The following DLG1 variants were observed in gnomAD, a reference collection of about 807,000 sequenced individuals.
The protein encoded by DLG1 is discs large MAGUK scaffold protein 1, also known as disks large homolog 1.
Under a neutral mutation model 123.4 loss-of-function variants are expected in DLG1, and 42 were observed. The observed-to-expected ratio is 0.34, with a 90% CI of 0.27 to 0.44. The LOEUF (loss-of-function observed/expected upper bound fraction) is 0.44. Among genes scored for constraint, DLG1 ranks in the 20% least tolerant of loss-of-function variants. The probability of loss-of-function intolerance (pLI) is 1.00; values close to 1 mark genes in which losing one functional copy is unlikely to be tolerated. For synonymous variants in DLG1, 317 were observed against 356.2 expected, an observed-to-expected ratio of 0.89 and a Z score of 1.24; for missense variants, 942 against 1,082.6, an observed-to-expected ratio of 0.87 and a Z score of 1.82.
intron 5 of DLG1, among the ~76,000 whole-genome samples, chr3:197,185,793 A>G (rs1715581808): frequency 6.6e-6 from 1 of 152,208 alleles, no homozygotes; most frequent in Non-Finnish European, 1.5e-5. Flanking sequence ...GATACTGAAT[A>G]CAACTGTTGA....
intron 10 of DLG1, among the ~76,000 whole-genome samples, chr3:197,131,362 CA>C (rs1255962447): frequency 6.6e-6 from 1 of 152,010 alleles, no homozygotes; most frequent in African/African-American, 2.4e-5. Flanking sequence ...ATTTATACAT[CA>C]ATTAGTTTTA....
At chr3:197,297,384 G>C in intron 1 of DLG1, 149 bp from the exon 2 acceptor site, 2 of 1,443,420 alleles carry the variant, frequency 1.4e-6, no homozygotes, top group East Asian at 2.5e-5. Flanking sequence ...AAACGCAGCA[G>C]TTGTCTGTCA....
intron 5 of DLG1, among the ~76,000 whole-genome samples, chr3:197,185,204 A>G (rs1170410636): frequency 6.6e-6 from 1 of 152,156 alleles, no homozygotes; most frequent in African/African-American, 2.4e-5. Context: ...AGCCATGGAT[A>G]TTTTTTCGGA....
intron 16 of DLG1, among the ~76,000 whole-genome samples, chr3:197,083,230 A>G (rs1490317485): frequency 2.0e-5 from 3 of 152,204 alleles, no homozygotes. Context: ...ATTTAATAAT[A>G]TTACTTTTCA....
intron 5 of DLG1, among the ~76,000 whole-genome samples, chr3:197,154,458 T>G (rs767664263): frequency 1.3e-5 from 2 of 151,562 alleles, no homozygotes; most frequent in Non-Finnish European, 2.9e-5. Context: ...GGTGGATCAC[T>G]AGGTCAGGAG....
intron 11 of DLG1, among the ~76,000 whole-genome samples, chr3:197,120,862 G>C (rs1386154473): frequency 6.6e-6 from 1 of 152,094 alleles, no homozygotes; most frequent in Admixed American, 6.6e-5. Flanking sequence ...TGAGCCAAAG[G>C]ACTTTCTACC....
chr3:197,213,327 G>A (rs1030599657), intron 4 of DLG1, among the ~76,000 whole-genome samples: 1 of 152,120 alleles, frequency 6.6e-6, no homozygotes, highest in Non-Finnish European at 1.5e-5. Context: ...CTTACTGTAT[G>A]AATCCATTTA....
In DLG1 at chr3:197,293,668, A is replaced by G. The variant is rs776294610; in HGVS notation, c.151+2678T>C. Among the ~76,000 whole-genome samples the G allele has an allele frequency of 3.6e-4, 55 of 152,224 alleles. 1 individual carries two copies. Among genetic ancestry groups the G allele is most frequent in the Non-Finnish European group, 6.0e-4 (41 of 68,004 alleles). ...AATGCATGAAAAGTCAATATAAACT[A>G]CCAGTTCAAAGAATCAATCAATAAA... On this transcript the variant is annotated intron_variant, in intron 3 of 24. Coordinates refer to ENST00000667157, the MANE Select transcript of DLG1 (RefSeq NM_001366207.1).
At chr3:197,256,067 TAAAG>T (rs1399484711) in intron 4 of DLG1, among the ~76,000 whole-genome samples, 3 of 152,232 alleles carry the variant, frequency 2.0e-5, no homozygotes, top group East Asian at 3.8e-4. Context: ...ATGGCGCTAA[TAAAG>T]AAAGCATATT....
In DLG1 at chr3:197,086,008, T is replaced by TTGTA. The variant is rs528305377; in HGVS notation, c.1662-256_1662-253dup. 3.1e-3 allele frequency among the ~76,000 whole-genome samples: 471 copies of TTGTA among 152,038 alleles called. 1 individual carries two copies. The highest frequency in any genetic ancestry group is 6.8e-3 in the Middle Eastern group (2 of 294). On this transcript the variant is annotated intron_variant, in intron 15 of 24. Coordinates refer to ENST00000667157, the MANE Select transcript of DLG1 (RefSeq NM_001366207.1). The stretch of plus-strand genomic sequence containing the variant: ...GACAAATTTTAAAAACGCTCTTGGA[T>TTGTA]TGTAATCCAATGGTAAGTTATATTG...
At chr3:197,080,674 C>T (rs770251882) in intron 17 of DLG1, 76 of 155,996 alleles carry the variant, frequency 4.9e-4, no homozygotes, top group Non-Finnish European at 9.5e-4. Context: ...GTTGGCCAGG[C>T]CGGTCTCTAA....
chr3:197,201,482 T>G (rs1319569129), intron 4 of DLG1, among the ~76,000 whole-genome samples: 1 of 152,250 alleles, frequency 6.6e-6, no homozygotes, highest in East Asian at 1.9e-4. Context: ...ACGAAATCAA[T>G]GTACAGAAAT....
chr3:197,131,584 C>CTT (rs773487577), intron 10 of DLG1, among the ~76,000 whole-genome samples: 1,027 of 65,766 alleles, frequency 0.016, 108 homozygotes, highest in African/African-American at 0.026. Flanking sequence ...TTCTTCCTTT[C>CTT]TTTTTTTTTT....
chr3:197,209,758 TC>T (rs1305352843), intron 4 of DLG1, among the ~76,000 whole-genome samples: 3 of 146,574 alleles, frequency 2.0e-5, no homozygotes, highest in African/African-American at 7.3e-5. Flanking sequence ...TCTAAAAATC[TC>T]ATGGTTCAAA....
At chr3:197,288,978 C>A (rs1212845500) in intron 3 of DLG1, among the ~76,000 whole-genome samples, 2 of 152,024 alleles carry the variant, frequency 1.3e-5, no homozygotes, top group African/African-American at 4.8e-5. Context: ...AAGATTCTTC[C>A]TTTAGGTAGT....
At chr3:197,209,704 G>GT (rs1730349901) in intron 4 of DLG1, among the ~76,000 whole-genome samples, 1 of 146,358 alleles carries the variant, frequency 6.8e-6, no homozygotes, top group Non-Finnish European at 1.5e-5. Flanking sequence ...GAGAAACAAG[G>GT]TATCTAGTAA....
At chr3:197,296,891 CTTAG>C (rs1019273489) in intron 2 of DLG1, 7 of 417,790 alleles carry the variant, frequency 1.7e-5, no homozygotes, top group African/African-American at 1.4e-4. Context: ...CAGAATAGTG[CTTAG>C]TAAGAATGAT....
intron 5 of DLG1, among the ~76,000 whole-genome samples, chr3:197,176,959 AT>A (rs1364125841): frequency 1.3e-5 from 2 of 151,320 alleles, no homozygotes; most frequent in African/African-American, 4.8e-5. Flanking sequence ...TATAAATTTT[AT>A]TTTTATTTTT....
chr3:197,175,414 T>C (rs926941007), intron 5 of DLG1, among the ~76,000 whole-genome samples: 12 of 152,218 alleles, frequency 7.9e-5, no homozygotes, highest in Non-Finnish European at 1.5e-4. Context: ...TCTTCAGATA[T>C]GTAAGAGTAT....
Sources: allele counts gnomAD v4.1 joint callset (sites outside exome capture counted in the v4.1 genomes callset), GRCh38; gene constraint gnomAD v4.1.1; transcripts MANE v1.5; gene names NCBI Gene and HGNC (gene_info 2026-07-23, HGNC 2026-07-21).